Variants in CAMKMT observed in about 807,000 individuals in gnomAD.
CAMKMT encodes calmodulin-lysine N-methyltransferase.
CAMKMT carries 53 observed loss-of-function variants against 48.0 expected under a neutral mutation model. The ratio of observed to expected loss-of-function variants is 1.10; its 90% confidence interval spans 0.89 to 1.39. CAMKMT has a LOEUF of 1.39. CAMKMT is among the 40% of genes most tolerant of loss of function. The pLI is 0.00. For missense variants in CAMKMT, 428 were observed against 402.7 expected (o/e 1.06, Z -0.54); for synonymous variants, 165 against 152.3 (o/e 1.08, Z -0.61).
chr2:44,644,558 A>C (rs1460976395), intron 3 of CAMKMT, among the ~76,000 whole-genome samples: 1 of 152,248 alleles, frequency 6.6e-6, no homozygotes, highest in African/African-American at 2.4e-5. Context: ...ATTTTCTTCA[A>C]ATGTTAAAGC....
At chr2:44,466,634 A>T (rs1297193440) in intron 3 of CAMKMT, among the ~76,000 whole-genome samples, 1 of 152,186 alleles carries the variant, frequency 6.6e-6, no homozygotes, top group Non-Finnish European at 1.5e-5. Context: ...CTAATCCCGA[A>T]GCTAGTAGAA....
chr2:44,427,091 G>A (rs541568627), intron 3 of CAMKMT, among the ~76,000 whole-genome samples: 1 of 152,208 alleles, frequency 6.6e-6, no homozygotes, highest in South Asian at 2.1e-4. Flanking sequence ...AATGGTGCTG[G>A]GAAAACTGGT....
intron 1 of CAMKMT, among the ~76,000 whole-genome samples, chr2:44,362,707 A>G (rs1343217782): frequency 6.6e-6 from 1 of 152,192 alleles, no homozygotes; most frequent in Non-Finnish European, 1.5e-5. Context: ...TCAAAGTTAA[A>G]TGATTATCTT....
At chr2:44,699,540 G>A (rs557653468) in intron 3 of CAMKMT, among the ~76,000 whole-genome samples, 30 of 152,204 alleles carry the variant, frequency 2.0e-4, no homozygotes, top group African/African-American at 6.7e-4. Flanking sequence ...TATCATCCAG[G>A]CTTTACTGTT....
intron 7 of CAMKMT, among the ~76,000 whole-genome samples, chr2:44,725,810 C>A (rs768574279): frequency 6.6e-6 from 1 of 151,264 alleles, no homozygotes; most frequent in Non-Finnish European, 1.5e-5. Context: ...CATGAAGGGA[C>A]TTCTAAGGTT....
chr2:44,515,623 T>G lies in CAMKMT; in HGVS notation c.376+125318T>G, dbSNP rs75068406. The stretch of plus-strand genomic sequence containing the variant: ...GGCACCAGTGAGTGAGTCAGTGATT[T>G]GGGAGGGGAAACTGGTTTGGGAAGA... On this transcript the variant is annotated intron_variant, in intron 3 of 10. Transcript: ENST00000378494. 2.7e-3 allele frequency among the ~76,000 whole-genome samples: 407 copies of G among 152,242 alleles called. 1 individual carries two copies. The highest frequency in any genetic ancestry group is 9.2e-3 in the African/African-American group (383 of 41,556).
chr2:44,535,298 C>T (rs903135254), intron 3 of CAMKMT, among the ~76,000 whole-genome samples: 3 of 152,108 alleles, frequency 2.0e-5, no homozygotes, highest in African/African-American at 7.2e-5. Context: ...GCTTCACTGC[C>T]TAATTCTACC....
chr2:44,434,796 T>C (rs568560678), intron 3 of CAMKMT, among the ~76,000 whole-genome samples: 1 of 152,326 alleles, frequency 6.6e-6, no homozygotes, highest in East Asian at 1.9e-4. Flanking sequence ...AGATAAAGGT[T>C]GCTAATAGGT....
chr2:44,392,536 A>G (rs1681447523), intron 3 of CAMKMT, among the ~76,000 whole-genome samples: 1 of 152,074 alleles, frequency 6.6e-6, no homozygotes, highest in Admixed American at 6.6e-5. Context: ...TTGTGACTAG[A>G]AAACCCAGCA....
intron 3 of CAMKMT, among the ~76,000 whole-genome samples, chr2:44,492,936 C>G (rs1437402689): frequency 3.3e-5 from 5 of 151,168 alleles, no homozygotes; most frequent in Admixed American, 2.6e-4. Context: ...CCCTGTCGCC[C>G]AGGCTAGAGT....
chr2:44,397,753 T>C (rs981130314), intron 3 of CAMKMT, among the ~76,000 whole-genome samples: 10 of 152,202 alleles, frequency 6.6e-5, no homozygotes, highest in Admixed American at 1.3e-4. Flanking sequence ...TTAATGTATT[T>C]TAAAAATTTC....
intron 3 of CAMKMT, among the ~76,000 whole-genome samples, chr2:44,533,538 C>A (rs1302434898): frequency 6.6e-6 from 1 of 152,166 alleles, no homozygotes. Flanking sequence ...TCCATCCAGC[C>A]AAGAATATTA....
intron 3 of CAMKMT, among the ~76,000 whole-genome samples, chr2:44,570,977 A>C (rs1328811985): frequency 1.3e-5 from 2 of 152,216 alleles, no homozygotes; most frequent in African/African-American, 4.8e-5. Flanking sequence ...CACGAAAAGT[A>C]AAAAGGAAAA....
rs1292030798 is a variant in CAMKMT at position 44,653,568 on chromosome 2, A to G, written c.377-50715A>G. ...TTAGAGCCCATTTCTCTTATACTCC[A>G]GTCATCCAAGGATTATAAAGGAATG... On this transcript the variant is annotated intron_variant, in intron 3 of 10. Transcript: ENST00000378494. This position sits in a 1 kb window ranked among gnomAD's most constrained non-coding sequence, Gnocchi z 5.2. Among the ~76,000 whole-genome samples the G allele has an allele frequency of 6.6e-6, 1 of 152,214 alleles. No individual in the cohort carries two copies. Among genetic ancestry groups the G allele is most frequent in the Non-Finnish European group, 1.5e-5 (1 of 68,036 alleles).
At chr2:44,724,558 A>T (rs916559817) in intron 7 of CAMKMT, among the ~76,000 whole-genome samples, 1 of 152,160 alleles carries the variant, frequency 6.6e-6, no homozygotes, top group East Asian at 1.9e-4. Flanking sequence ...AGCCCATTTT[A>T]TATCCCTGGA....
intron 3 of CAMKMT, among the ~76,000 whole-genome samples, chr2:44,517,155 A>G (rs1169946566): frequency 6.6e-6 from 1 of 152,216 alleles, no homozygotes; most frequent in Admixed American, 6.5e-5. Context: ...TTTTAAAAAA[A>G]CAGGAACTAT....
chr2:44,660,916 T>C (rs969669619), intron 3 of CAMKMT, among the ~76,000 whole-genome samples: 1 of 152,246 alleles, frequency 6.6e-6, no homozygotes, highest in African/African-American at 2.4e-5. Context: ...TGAAAGGTAC[T>C]AGCAATATAT....
At chr2:44,488,675 C>G (rs1364068788) in intron 3 of CAMKMT, among the ~76,000 whole-genome samples, 1 of 151,828 alleles carries the variant, frequency 6.6e-6, no homozygotes, top group African/African-American at 2.4e-5. Flanking sequence ...GCACTCCAGC[C>G]TGGGTGACAA....
chr2:44,606,295 A>G (rs1382296426), intron 3 of CAMKMT, among the ~76,000 whole-genome samples: 2 of 152,334 alleles, frequency 1.3e-5, no homozygotes, highest in East Asian at 1.9e-4. Context: ...GTGATAATAT[A>G]TGATCATTCA....
Sources: gnomAD v4.1 joint callset for allele counts (sites outside exome capture counted in the v4.1 genomes callset) on GRCh38, gnomAD v4.1.1 for gene constraint, Gnocchi (gnomAD v3.1) non-coding constraint, MANE v1.5 for transcripts, NCBI Gene and HGNC (gene_info 2026-07-23, HGNC 2026-07-21) for gene names.